The following DPP6 variants were observed in gnomAD, a reference collection of about 807,000 sequenced individuals.
DPP6 encodes A-type potassium channel modulatory protein DPP6.
DPP6 carries 69 observed loss-of-function variants against 122.6 expected under a neutral mutation model. That is an observed-to-expected ratio of 0.56 (90% CI 0.46 to 0.69). DPP6 has a LOEUF of 0.69. Among genes scored for constraint, DPP6 ranks in the 30% least tolerant of loss-of-function variants. DPP6 has a pLI of 0.00. For synonymous variants in DPP6, 418 were observed against 433.1 expected (o/e 0.97, Z 0.43); for missense variants, 928 against 1,116.9 (o/e 0.83, Z 2.41).
intron 1 of DPP6, among the ~76,000 whole-genome samples, chr7:154,195,203 C>A (rs1798804664): frequency 6.6e-6 from 1 of 152,170 alleles, no homozygotes; most frequent in South Asian, 2.1e-4. Context: ...GCTATCTAGT[C>A]ATTCCAATAC....
intron 1 of DPP6, among the ~76,000 whole-genome samples, chr7:153,932,426 C>T (rs976011534): frequency 1.3e-5 from 2 of 152,016 alleles, no homozygotes; most frequent in African/African-American, 4.8e-5. Context: ...CCCAGCCTAT[C>T]ATTTTGTTTA....
intron 1 of DPP6, among the ~76,000 whole-genome samples, chr7:154,313,716 C>CATACGCAT (rs1563460534): frequency 3.1e-4 from 7 of 22,312 alleles, no homozygotes; most frequent in African/African-American, 7.8e-4. Flanking sequence ...TATATATATA[C>CATACGCAT]ACACACACGC....
At chr7:154,772,130 G>A (rs1394760331) in intron 9 of DPP6, among the ~76,000 whole-genome samples, 1 of 152,164 alleles carries the variant, frequency 6.6e-6, no homozygotes, top group South Asian at 2.1e-4. Context: ...CTCAAGATTT[G>A]GGGTTTCATA....
chr7:154,557,146 C>A (rs1005730905), intron 4 of DPP6, among the ~76,000 whole-genome samples: 1 of 152,154 alleles, frequency 6.6e-6, no homozygotes, highest in African/African-American at 2.4e-5. Flanking sequence ...TAGCACCCAT[C>A]GGGGGCATCC....
intron 1 of DPP6, among the ~76,000 whole-genome samples, chr7:154,338,570 A>G (rs1809635964): frequency 6.6e-6 from 1 of 152,194 alleles, no homozygotes; most frequent in Non-Finnish European, 1.5e-5. Flanking sequence ...CCCCAGGGCC[A>G]GTGTTAATTT....
At chr7:153,844,331 A>T in the DPP6 span, among the ~76,000 whole-genome samples, 8 of 152,318 alleles carry the variant, frequency 5.3e-5, no homozygotes, top group Admixed American at 2.0e-4. Context: ...TCCTGATTGG[A>T]TTGAAGAATA....
intron 5 of DPP6, among the ~76,000 whole-genome samples, chr7:154,585,967 G>T (rs1832416091): frequency 6.6e-6 from 1 of 152,134 alleles, no homozygotes; most frequent in South Asian, 2.1e-4. Flanking sequence ...GGCAGGGGAA[G>T]GCACTCCAGA....
chr7:154,010,646 G>T (rs1301436816), intron 1 of DPP6, among the ~76,000 whole-genome samples: 1 of 152,134 alleles, frequency 6.6e-6, no homozygotes, highest in African/African-American at 2.4e-5. Context: ...ATCACAGAAT[G>T]GTTCCCTTTT....
chr7:154,643,431 A>G (rs1437697972), intron 6 of DPP6, among the ~76,000 whole-genome samples: 1 of 151,928 alleles, frequency 6.6e-6, no homozygotes, highest in Non-Finnish European at 1.5e-5. Flanking sequence ...AGACTTATAT[A>G]ATAAAATGTT....
intron 3 of DPP6, among the ~76,000 whole-genome samples, chr7:154,525,226 C>T (rs1042487158): frequency 7.2e-5 from 11 of 152,316 alleles, no homozygotes; most frequent in Non-Finnish European, 1.5e-4. Flanking sequence ...TCATTGCAGC[C>T]TCAAACTCCT....
intron 1 of DPP6, among the ~76,000 whole-genome samples, chr7:153,986,644 G>A (rs1796863344): frequency 6.6e-6 from 1 of 152,210 alleles, no homozygotes; most frequent in African/African-American, 2.4e-5. Context: ...ATTGAATGCT[G>A]AAAGTTTTAG....
intron 1 of DPP6, among the ~76,000 whole-genome samples, chr7:154,180,802 T>G (rs1313618339): frequency 2.0e-5 from 3 of 152,192 alleles, no homozygotes; most frequent in Non-Finnish European, 4.4e-5. Context: ...TTTCTTGTGA[T>G]GCAAGTTTTC....
At chr7:154,673,957 C>T (rs57021358) in intron 7 of DPP6, among the ~76,000 whole-genome samples, 18,142 of 151,852 alleles carry the variant, frequency 0.12, 1,164 homozygotes, top group African/African-American at 0.16. Context: ...CTCACTCCAA[C>T]CTCCACCTCC....
At chr7:154,715,734 G>C (rs1277831029) in intron 7 of DPP6, among the ~76,000 whole-genome samples, 1 of 152,116 alleles carries the variant, frequency 6.6e-6, no homozygotes, top group Non-Finnish European at 1.5e-5. Context: ...TGTTTTGAGG[G>C]ACTTTATGTT....
intron 1 of DPP6, among the ~76,000 whole-genome samples, chr7:153,990,925 G>A (rs190215898): frequency 6.6e-6 from 1 of 152,332 alleles, no homozygotes; most frequent in East Asian, 1.9e-4. Flanking sequence ...TCTCTTCTGG[G>A]TTATTAAACG....
chr7:154,718,909 CT>C (rs1359189779), intron 7 of DPP6, among the ~76,000 whole-genome samples: 1 of 151,962 alleles, frequency 6.6e-6, no homozygotes, highest in Non-Finnish European at 1.5e-5. Flanking sequence ...CAAAGTGAGT[CT>C]TCCTCTTCTT....
chr7:154,157,259 G>A (rs1316427109), intron 1 of DPP6, among the ~76,000 whole-genome samples: 1 of 152,260 alleles, frequency 6.6e-6, no homozygotes, highest in Non-Finnish European at 1.5e-5. Flanking sequence ...AACCCAGTGA[G>A]GTATCTGCTG....
At chr7:154,379,146 G>A (rs1177126803) in intron 1 of DPP6, among the ~76,000 whole-genome samples, 4 of 152,186 alleles carry the variant, frequency 2.6e-5, no homozygotes, top group African/African-American at 9.7e-5. Context: ...TAACACATGT[G>A]TTGATAATTA....
intron 1 of DPP6, among the ~76,000 whole-genome samples, chr7:154,201,814 C>T (rs879018166): frequency 1.3e-5 from 2 of 152,202 alleles, no homozygotes; most frequent in African/African-American, 4.8e-5. Context: ...GTTTCTCAAT[C>T]AAAAACCTAA....
Sources: allele counts gnomAD v4.1 joint callset (sites outside exome capture counted in the v4.1 genomes callset), GRCh38; gene constraint gnomAD v4.1.1; transcripts MANE v1.5; gene names NCBI Gene and HGNC (gene_info 2026-07-23, HGNC 2026-07-21).